The following RYR2 variants were observed in gnomAD, a reference collection of about 807,000 sequenced individuals.
The protein encoded by RYR2 is ryanodine receptor 2.
In RYR2, 227 loss-of-function variants were observed where a neutral mutation model predicts 601.1. That is an observed-to-expected ratio of 0.38 (90% CI 0.34 to 0.42). The LOEUF is 0.42. RYR2 is among the 10% of genes least tolerant of loss of function. RYR2 has a pLI of 1.00. For synonymous variants in RYR2, 2,223 were observed against 2,175.1 expected (o/e 1.02, Z -0.61); for missense variants, 4,646 against 6,156.5 (o/e 0.75, Z 8.21).
chr1:237,644,346 C>T (rs564256014), intron 48 of RYR2, among the ~76,000 whole-genome samples: 299 of 152,180 alleles, frequency 2.0e-3, no homozygotes, highest in Middle Eastern at 3.4e-3. Context: ...AATCCTCCTG[C>T]CTCAGCCTCC....
At chr1:237,690,444 T>C (rs1203174777) in intron 63 of RYR2, among the ~76,000 whole-genome samples, 2 of 152,244 alleles carry the variant, frequency 1.3e-5, no homozygotes, top group African/African-American at 4.8e-5. Context: ...TGTAACCTTA[T>C]AGTTTTCACA....
At chr1:237,206,127 C>G (rs899392587) in intron 1 of RYR2, among the ~76,000 whole-genome samples, 1 of 152,142 alleles carries the variant, frequency 6.6e-6, no homozygotes, top group Non-Finnish European at 1.5e-5. Flanking sequence ...TCCAGCCTTT[C>G]TGGACAGTGC....
At chr1:237,107,478 C>CGT (rs1314756428) in intron 1 of RYR2, among the ~76,000 whole-genome samples, 2 of 117,944 alleles carry the variant, frequency 1.7e-5, no homozygotes, top group Non-Finnish European at 3.3e-5. Flanking sequence ...CGAGATCGCA[C>CGT]CACTGCACTC....
chr1:237,046,478 C>T (rs1200629446), intron 1 of RYR2, among the ~76,000 whole-genome samples: 4 of 152,176 alleles, frequency 2.6e-5, no homozygotes, highest in Non-Finnish European at 4.4e-5. Context: ...TTGCTCCCTT[C>T]ATAATGAAGC....
At chr1:237,324,124 T>C (rs1326849293) in intron 2 of RYR2, among the ~76,000 whole-genome samples, 2 of 152,210 alleles carry the variant, frequency 1.3e-5, no homozygotes, top group African/African-American at 4.8e-5. Flanking sequence ...GAGGAAAAAG[T>C]GAACTAAGAT....
intron 63 of RYR2, among the ~76,000 whole-genome samples, chr1:237,696,633 G>A (rs1381737066): frequency 2.7e-5 from 4 of 150,594 alleles, no homozygotes; most frequent in Non-Finnish European, 5.9e-5. Context: ...GCAAGGGTCA[G>A]GACCCCATCC....
intron 1 of RYR2, among the ~76,000 whole-genome samples, chr1:237,053,420 CT>C (rs1416211009): frequency 2.6e-5 from 4 of 152,162 alleles, no homozygotes; most frequent in Admixed American, 2.6e-4. Context: ...CCATCATCTC[CT>C]GAAGATGGGG....
At chr1:237,636,532 G>A (rs182780610) in intron 44 of RYR2, among the ~76,000 whole-genome samples, 3 of 152,314 alleles carry the variant, frequency 2.0e-5, no homozygotes, top group Admixed American at 6.5e-5. Context: ...ACCAAATGCT[G>A]AGAAGGACAA....
chr1:237,794,103 A>ATAGTT (rs1553328282), intron 95 of RYR2, 106 bp downstream of exon 95: 1 of 898,534 alleles, frequency 1.1e-6, no homozygotes, highest in African/African-American at 1.7e-5. Context: ...GAGGTGAATA[A>ATAGTT]TAGTTATATA....
intron 1 of RYR2, among the ~76,000 whole-genome samples, chr1:237,222,660 A>G (rs2149145678): frequency 6.6e-6 from 1 of 152,322 alleles, no homozygotes; most frequent in East Asian, 1.9e-4. Flanking sequence ...GATACCTGCA[A>G]CATAGACAAA....
At chr1:237,306,194 C>T (rs1264690081) in intron 2 of RYR2, among the ~76,000 whole-genome samples, 8 of 152,190 alleles carry the variant, frequency 5.3e-5, no homozygotes, top group African/African-American at 1.9e-4. Context: ...GGATTAATAC[C>T]ATTTAATAAT....
intron 17 of RYR2, among the ~76,000 whole-genome samples, chr1:237,474,829 A>G (rs1430128281): frequency 6.6e-6 from 1 of 152,166 alleles, no homozygotes; most frequent in Non-Finnish European, 1.5e-5. Context: ...GAAAGGAGAA[A>G]TGGCAGGAGC....
Position 237,673,058 on chromosome 1 carries a change from A to G in RYR2, c.8591-1038A>G, listed in dbSNP as rs934558082. 3.9e-5 allele frequency among the ~76,000 whole-genome samples: 6 copies of G among 152,300 alleles called. No homozygotes were observed. In the South Asian group the frequency reaches 6.2e-4, roughly 16 times the overall value. On this transcript the variant is annotated intron_variant, in intron 58 of 104. Coordinates refer to ENST00000366574, the MANE Select transcript of RYR2 (RefSeq NM_001035.3). ...CTAATTCAACATTTGTGATTGTTGC[A>G]GTAGCTCCTGGCTAAACTATATTGG...
chr1:237,508,053 T>G (rs1204956366), intron 23 of RYR2, among the ~76,000 whole-genome samples: 1 of 152,154 alleles, frequency 6.6e-6, no homozygotes, highest in Non-Finnish European at 1.5e-5. Flanking sequence ...AACCTCCACC[T>G]ACCCGGTTTA....
chr1:237,779,224 T>C (rs1370305449), intron 88 of RYR2, among the ~76,000 whole-genome samples: 1 of 152,156 alleles, frequency 6.6e-6, no homozygotes, highest in Non-Finnish European at 1.5e-5. Flanking sequence ...CCCTAACCAG[T>C]GTATTTAATT....
intron 1 of RYR2, among the ~76,000 whole-genome samples, chr1:237,149,612 G>C (rs937663550): frequency 6.6e-6 from 1 of 151,506 alleles, no homozygotes; most frequent in Admixed American, 6.6e-5. Context: ...TGGAATGAAG[G>C]CTTTTTTCTT....
At chr1:237,818,909 G>T in intron 100 of RYR2, 127 bp from the exon 101 acceptor site, 1 of 756,536 alleles carries the variant, frequency 1.3e-6, no homozygotes. Context: ...ACAAAAAGAG[G>T]CAATATAGAA....
intron 79 of RYR2, among the ~76,000 whole-genome samples, chr1:237,736,915 G>T (rs976257832): frequency 1.3e-5 from 2 of 152,154 alleles, no homozygotes; most frequent in Non-Finnish European, 2.9e-5. Flanking sequence ...CCAGACTCTT[G>T]TTGAGAACAG....
chr1:237,676,925 C>A (rs1395833195), intron 60 of RYR2, among the ~76,000 whole-genome samples: 3 of 152,030 alleles, frequency 2.0e-5, no homozygotes, highest in Non-Finnish European at 4.4e-5. Context: ...GACATAACTT[C>A]ATATGAGAAA....
Sources: allele counts gnomAD v4.1 joint callset (sites outside exome capture counted in the v4.1 genomes callset), GRCh38; gene constraint gnomAD v4.1.1; transcripts MANE v1.5; gene names NCBI Gene and HGNC (gene_info 2026-07-23, HGNC 2026-07-21).